Variants in SMIM36 observed in about 807,000 individuals in gnomAD.
SMIM36 encodes small integral membrane protein 36.
intron 3 of SMIM36, among the ~76,000 whole-genome samples, chr17:55,470,864 C>G (rs1909330201): frequency 6.6e-6 from 1 of 152,110 alleles, no homozygotes; most frequent in Non-Finnish European, 1.5e-5. Flanking sequence ...AGGGTTAAAG[C>G]CTGTTACCAC....
At chr17:55,494,547 T>G (rs1195247688) in intron 1 of SMIM36, among the ~76,000 whole-genome samples, 3 of 151,846 alleles carry the variant, frequency 2.0e-5, no homozygotes, top group African/African-American at 7.3e-5. Flanking sequence ...TATGGTGGAG[T>G]GGTGCAGAGC....
the SMIM36 span, among the ~76,000 whole-genome samples, chr17:55,517,804 G>A: frequency 6.6e-6 from 1 of 152,172 alleles, no homozygotes; most frequent in African/African-American, 2.4e-5. Context: ...TGCAAATATA[G>A]ATTTTAGACT....
intron 1 of SMIM36, among the ~76,000 whole-genome samples, chr17:55,486,474 A>G (rs1353128248): frequency 6.6e-6 from 1 of 152,126 alleles, no homozygotes; most frequent in African/African-American, 2.4e-5. Flanking sequence ...AATGTCTAGT[A>G]ACTTTAGGCC....
At chr17:55,522,855 TTTG>T in the SMIM36 span, among the ~76,000 whole-genome samples, 2 of 152,122 alleles carry the variant, frequency 1.3e-5, no homozygotes, top group Admixed American at 1.3e-4. Flanking sequence ...AGGCAGGAAG[TTTG>T]TTGTATTCAT....
chr17:55,505,233 A>G (rs1323676064), intron 1 of SMIM36, among the ~76,000 whole-genome samples: 1 of 95,980 alleles, frequency 1.0e-5, no homozygotes, highest in African/African-American at 4.7e-5. Flanking sequence ...TTATGAGGCC[A>G]GCATCATTCT....
At chr17:55,509,513 C>G (rs1336867074) in intron 1 of SMIM36, among the ~76,000 whole-genome samples, 1 of 152,206 alleles carries the variant, frequency 6.6e-6, no homozygotes, top group South Asian at 2.1e-4. Flanking sequence ...GTGCCAGACA[C>G]TCGTGTCTCT....
chr17:55,474,278 C>T (rs543449443), intron 3 of SMIM36, among the ~76,000 whole-genome samples: 57 of 152,238 alleles, frequency 3.7e-4, no homozygotes, highest in Non-Finnish European at 7.8e-4. Context: ...AACGGACTGT[C>T]GAGGCAGCCC....
At chr17:55,479,488 G>A (rs906182017) in exon 2 of SMIM36, 1 of 152,336 alleles carries the variant, frequency 6.6e-6, no homozygotes, top group Non-Finnish European at 1.5e-5. Context: ...GGGAGGCTGA[G>A]GCAGGAGAAT....
At chr17:55,509,121 A>C (rs1372137839) in intron 1 of SMIM36, among the ~76,000 whole-genome samples, 1 of 152,192 alleles carries the variant, frequency 6.6e-6, no homozygotes, top group East Asian at 1.9e-4. Context: ...GATTATCTTC[A>C]CGTTTGTTAC....
the SMIM36 span, among the ~76,000 whole-genome samples, chr17:55,518,026 A>G: frequency 6.6e-6 from 1 of 152,196 alleles, no homozygotes; most frequent in Non-Finnish European, 1.5e-5. Context: ...ATGAAAATCC[A>G]GGGAGAAGTA....
chr17:55,492,201 CTT>C (rs1909718211), intron 1 of SMIM36, among the ~76,000 whole-genome samples: 1 of 148,758 alleles, frequency 6.7e-6, no homozygotes, highest in African/African-American at 2.5e-5. Flanking sequence ...GCAAACTCCT[CTT>C]GATATTGATA....
chr17:55,532,035 A>G, the SMIM36 span, among the ~76,000 whole-genome samples: 1 of 152,190 alleles, frequency 6.6e-6, no homozygotes, highest in Non-Finnish European at 1.5e-5. Context: ...TTGAAATAAG[A>G]TATTGCTATC....
intron 1 of SMIM36, among the ~76,000 whole-genome samples, chr17:55,499,175 A>G (rs1909866555): frequency 6.6e-6 from 1 of 152,092 alleles, no homozygotes. Flanking sequence ...AAATTACAAT[A>G]ATTTATTTTT....
chr17:55,455,726 C>T (rs151084420), intron 4 of SMIM36, among the ~76,000 whole-genome samples: 6 of 152,094 alleles, frequency 3.9e-5, no homozygotes, highest in South Asian at 2.1e-4. Flanking sequence ...TCGGGAGGTT[C>T]GGGCTGCAGT....
chr17:55,476,498 C>T (rs750010488), intron 3 of SMIM36, among the ~76,000 whole-genome samples: 59 of 152,188 alleles, frequency 3.9e-4, no homozygotes, highest in African/African-American at 8.9e-4. Flanking sequence ...TCTCTTTACA[C>T]GGACACGCAT....
At chr17:55,516,830 G>A in the SMIM36 span, among the ~76,000 whole-genome samples, 1 of 152,114 alleles carries the variant, frequency 6.6e-6, no homozygotes, top group Admixed American at 6.6e-5. Flanking sequence ...AAAGTGCTGG[G>A]ATTACAGGCA....
At chr17:55,467,733 G>A (rs904088321) in intron 3 of SMIM36, among the ~76,000 whole-genome samples, 1 of 152,170 alleles carries the variant, frequency 6.6e-6, no homozygotes, top group Admixed American at 6.5e-5. Context: ...GGTTGAGTTT[G>A]CGATTGTCTC....
intron 4 of SMIM36, among the ~76,000 whole-genome samples, chr17:55,453,300 T>A (rs1049681559): frequency 1.3e-5 from 2 of 149,792 alleles, no homozygotes; most frequent in East Asian, 3.9e-4. Context: ...CTGGGTGACA[T>A]AAATAAGTAA....
the SMIM36 span, among the ~76,000 whole-genome samples, chr17:55,526,366 C>T: frequency 2.6e-5 from 4 of 151,980 alleles, no homozygotes; most frequent in Admixed American, 6.6e-5. Context: ...ACCATGTTGG[C>T]CAGACTGGTC....
Sources: gnomAD v4.1 joint callset for allele counts (sites outside exome capture counted in the v4.1 genomes callset) on GRCh38, gnomAD v4.1.1 for gene constraint, MANE v1.5 for transcripts, NCBI Gene and HGNC (gene_info 2026-07-23, HGNC 2026-07-21) for gene names.